The following SPTAN1 variants were observed in gnomAD, a reference collection of about 807,000 sequenced individuals.
SPTAN1 encodes spectrin alpha chain, non-erythrocytic 1.
A neutral mutation model predicts 331.3 loss-of-function variants in SPTAN1; 61 were observed. The ratio of observed to expected loss-of-function variants is 0.18; its 90% CI spans 0.15 to 0.23. The LOEUF is 0.23. Ranked by LOEUF, SPTAN1 falls within the 10% of genes least tolerant of loss-of-function variation. SPTAN1 has a pLI of 1.00. For missense variants in SPTAN1, 2,043 were observed against 3,147.9 expected, an observed-to-expected ratio of 0.65 and a Z score of 8.40; for synonymous variants, 1,153 against 1,173.9, an observed-to-expected ratio of 0.98 and a Z score of 0.36.
intron 52 of SPTAN1, 61 bp from the exon 53 acceptor site, chr9:128,632,066 C>G: frequency 6.3e-7 from 1 of 1,576,410 alleles, no homozygotes; most frequent in Non-Finnish European, 8.6e-7. Context: ...GTAAGTGGCT[C>G]CTGGGCTGGT....
At chr9:128,617,962 T>G (rs763381873) in intron 42 of SPTAN1, 25 bp from the exon 43 acceptor site, 14 of 1,614,154 alleles carry the variant, frequency 8.7e-6, no homozygotes, top group Non-Finnish European at 1.2e-5. Context: ...TACCTGCTGT[T>G]AACCTCCTCG....
chr9:128,600,974 C>CTTTTTTTTTTT (rs60290370), intron 27 of SPTAN1, among the ~76,000 whole-genome samples: 5,738 of 40,836 alleles, frequency 0.14, 2,543 homozygotes, highest in South Asian at 0.22. Flanking sequence ...GGGAGAAAGT[C>CTTTTTTTTTTT]TTTTTTTTTT....
At position 128,605,026 on chromosome 9, in the gene SPTAN1, G is replaced by C; in HGVS notation, c.3720-8G>C. On this transcript the variant is annotated splice_region_variant and splice_polypyrimidine_tract_variant and intron_variant, in intron 29 of 56. Transcript: ENST00000372739. Reference sequence around the variant, plus strand: ...GCATTTCTTAACCTGAATGTGTCTCGCCTTTAGAGATGCTGATGAAACCAA... The same window carrying C: ...GCATTTCTTAACCTGAATGTGTCTCCCCTTTAGAGATGCTGATGAAACCAA... 2 of 1,613,878 alleles carry C rather than the reference G, an allele frequency of 1.2e-6. No homozygotes were observed. Among genetic ancestry groups the C allele is most frequent in the Non-Finnish European group, 1.7e-6 (2 of 1,179,964 alleles).
chr9:128,579,048 G>A (rs539122936), intron 9 of SPTAN1, among the ~76,000 whole-genome samples: 105 of 152,040 alleles, frequency 6.9e-4, no homozygotes, highest in African/African-American at 2.5e-3. Context: ...TTTGTTAAAA[G>A]GCATTAAATA....
At chr9:128,563,995 G>T (rs1353612724) in intron 1 of SPTAN1, among the ~76,000 whole-genome samples, 1 of 152,024 alleles carries the variant, frequency 6.6e-6, no homozygotes, top group Admixed American at 6.6e-5. Context: ...ATACAGGACC[G>T]GACATGGTGG....
Position 128,632,417 on chromosome 9 carries a change from T to G in SPTAN1, c.6960-14T>G. On this transcript the variant is annotated splice_polypyrimidine_tract_variant and intron_variant, in intron 53 of 56. Coordinates refer to ENST00000372739, the MANE Select transcript of SPTAN1 (RefSeq NM_001130438.3). ...TGTGGAGGGTCTGTTCCCTAATTTC[T>G]GTTTTTCTTCCAGGAACACAACAGG... 6 of 1,614,092 alleles carry G rather than the reference T, an allele frequency of 3.7e-6. No individual in the cohort carries two copies. Among genetic ancestry groups the G allele is most frequent in the Non-Finnish European group, 5.1e-6 (6 of 1,180,000 alleles).
intron 48 of SPTAN1, 174 bp from the exon 49 acceptor site, chr9:128,626,213 GAAAA>G: frequency 1.0e-6 from 1 of 980,874 alleles, no homozygotes; most frequent in Non-Finnish European, 1.6e-6. Flanking sequence ...GTAGGAAGGG[GAAAA>G]AAGGCTGGTG....
At chr9:128,578,297 A>C (rs745828218) in intron 9 of SPTAN1, 52 bp downstream of exon 9, 2 of 1,608,640 alleles carry the variant, frequency 1.2e-6, no homozygotes, top group Non-Finnish European at 1.7e-6. Context: ...CTTATAATGC[A>C]CCAGTTTATC....
chr9:128,567,457 A>G (rs1369313883), intron 2 of SPTAN1, among the ~76,000 whole-genome samples: 1 of 151,740 alleles, frequency 6.6e-6, no homozygotes, highest in Non-Finnish European at 1.5e-5. Flanking sequence ...GTGCCCAGCT[A>G]ATTTTTGTAT....
At position 128,598,971 on chromosome 9, in the gene SPTAN1, TGGC is replaced by T; in HGVS notation, c.3529_3531del (p.Gly1177del). On this transcript the variant is annotated inframe_deletion, in exon 26 of 57. Transcript: ENST00000372739. ...TCTCTCTCTCCTTGTAGGAAGTGTATGGCATGATGCCCAGGGTAAGTTTCGGGT... is the reference window on the plus strand; with the variant it reads ...TCTCTCTCTCCTTGTAGGAAGTGTATATGATGCCCAGGGTAAGTTTCGGGT... The T allele has an allele frequency of 6.2e-7, 1 of 1,613,996 alleles. No homozygotes were observed. Among genetic ancestry groups the T allele is most frequent in the Non-Finnish European group, 8.5e-7 (1 of 1,179,836 alleles).
intron 1 of SPTAN1, among the ~76,000 whole-genome samples, chr9:128,562,047 G>A (rs1291792585): frequency 1.3e-5 from 2 of 152,124 alleles, no homozygotes; most frequent in Non-Finnish European, 2.9e-5. Context: ...GTCAGGGAGT[G>A]GAGACTTCTG....
In SPTAN1 at chr9:128,581,102, G is replaced by A. The variant is rs749639256; in HGVS notation, c.1461+43G>A. The A allele has an allele frequency of 2.5e-6, 4 of 1,612,564 alleles. No individual in the cohort carries two copies. The South Asian group carries it at 3.3e-5, about 13-fold the overall frequency. ...CCTTGCCAGTGGTGGGAGAAGAAGG[G>A]CCTGTGTTTTGCCTCCTCGGGTAGT... On this transcript the variant is annotated intron_variant, in intron 11 of 56. Coordinates refer to ENST00000372739, the MANE Select transcript of SPTAN1 (RefSeq NM_001130438.3).
In SPTAN1 at chr9:128,579,723, T is replaced by C; in HGVS notation, c.1308T>C (p.Asp436=). ...ALLAAGHYAS[D]EVREKLTVLS... ...TTGCTGCTGGTCACTATGCCTCAGA[T>C]GAAGTGAGGGAGAAGGTAAGAGAAG... Residue 436 remains aspartate, a synonymous_variant, in exon 10 of 57, where the codon GAT becomes GAC. Coordinates refer to ENST00000372739, the MANE Select transcript of SPTAN1 (RefSeq NM_001130438.3). The C allele has an allele frequency of 1.2e-6, 2 of 1,613,970 alleles. No homozygotes were observed. Among genetic ancestry groups the C allele is most frequent in the Non-Finnish European group, 1.7e-6 (2 of 1,179,914 alleles).
In SPTAN1 at chr9:128,604,423, G is replaced by A; in HGVS notation, c.3719+6G>A. On this transcript the variant is annotated splice_donor_region_variant and intron_variant, in intron 29 of 56. Coordinates refer to ENST00000372739, the MANE Select transcript of SPTAN1 (RefSeq NM_001130438.3). ...GAAGTACAGAGGTTCCACAGGTGAG[G>A]GGTCAGCCCTGGGCTGGGAGAGGGA... 1.3e-5 allele frequency: 21 copies of A among 1,612,350 alleles called. No individual in the cohort carries two copies. The highest frequency in any genetic ancestry group is 1.7e-5 in the Non-Finnish European group (20 of 1,179,272).
intron 1 of SPTAN1, among the ~76,000 whole-genome samples, chr9:128,559,357 C>A (rs1849018830): frequency 6.6e-6 from 1 of 152,126 alleles, no homozygotes; most frequent in Non-Finnish European, 1.5e-5. Flanking sequence ...TCAGATGGAA[C>A]CTTTGCGATA....
chr9:128,628,061 C>A, intron 51 of SPTAN1, 119 bp downstream of exon 51: 2 of 1,228,008 alleles, frequency 1.6e-6, no homozygotes, highest in South Asian at 1.2e-5. Flanking sequence ...GCGGGCTGCA[C>A]TTCCCCTCCC....
chr9:128,581,911 A>G lies in SPTAN1; in HGVS notation c.1572+19A>G, dbSNP rs756215461. ...GATTACAGTAAGACCCCTTCTTGTC[A>G]GTGCTTTCAAATGACCCTTATAGTA... On this transcript the variant is annotated intron_variant, in intron 12 of 56. Coordinates refer to ENST00000372739, the MANE Select transcript of SPTAN1 (RefSeq NM_001130438.3). The G allele has an allele frequency of 6.5e-7, 1 of 1,549,846 alleles. No homozygotes were observed. The highest frequency in any genetic ancestry group is 1.1e-5 in the South Asian group (1 of 89,738).
At chr9:128,613,298 A>G (rs1856773702) in intron 39 of SPTAN1, 83 bp from the exon 40 acceptor site, 2 of 1,102,208 alleles carry the variant, frequency 1.8e-6, no homozygotes, top group African/African-American at 3.1e-5. Context: ...AGGCCCTGGA[A>G]TAGCCACTGG....
intron 1 of SPTAN1, among the ~76,000 whole-genome samples, chr9:128,553,934 G>C (rs1014927389): frequency 6.6e-6 from 1 of 152,176 alleles, no homozygotes; most frequent in Non-Finnish European, 1.5e-5. Context: ...CTTGGAGCCA[G>C]GAAACAGAAA....
Sources: allele counts gnomAD v4.1 joint callset (sites outside exome capture counted in the v4.1 genomes callset), GRCh38; gene constraint gnomAD v4.1.1; transcripts MANE v1.5; gene names NCBI Gene and HGNC (gene_info 2026-07-23, HGNC 2026-07-21).